The following ACACA variants were observed in gnomAD, a reference collection of about 807,000 sequenced individuals.
ACACA encodes acetyl-CoA carboxylase alpha.
ACACA carries 103 observed loss-of-function variants against 296.1 expected under a neutral mutation model. The ratio of observed to expected loss-of-function variants is 0.35; its 90% confidence interval spans 0.30 to 0.41. The LOEUF is 0.41. Ranked by LOEUF, ACACA falls within the 10% of genes least tolerant of loss-of-function variation. The pLI is 1.00. For missense variants in ACACA, 1,554 were observed against 2,989.7 expected (o/e 0.52, Z 11.20); for synonymous variants, 953 against 1,038.6 (o/e 0.92, Z 1.58).
At chr17:37,293,692 C>T (rs2083189203) in intron 3 of ACACA, among the ~76,000 whole-genome samples, 2 of 152,088 alleles carry the variant, frequency 1.3e-5, no homozygotes, top group Non-Finnish European at 2.9e-5. Flanking sequence ...CAGGCACACA[C>T]CACCATGCCC....
chr17:37,175,193 T>C (rs2144753671), intron 41 of ACACA, among the ~76,000 whole-genome samples: 1 of 152,336 alleles, frequency 6.6e-6, no homozygotes, highest in Non-Finnish European at 1.5e-5. Context: ...AATAAAAGAA[T>C]GCTAGTAACT....
chr17:37,125,471 G>A (rs1479396149), intron 48 of ACACA, among the ~76,000 whole-genome samples: 6 of 152,112 alleles, frequency 3.9e-5, no homozygotes, highest in Non-Finnish European at 7.3e-5. Context: ...AAAAGGAAGT[G>A]TTGTCAAAAT....
intron 51 of ACACA, 147 bp from the exon 52 acceptor site, chr17:37,111,790 G>C: frequency 1.4e-6 from 1 of 698,874 alleles, no homozygotes; most frequent in Non-Finnish European, 2.6e-6. Context: ...ATCTCCCCGG[G>C]GAGAACAGTA....
At chr17:37,310,498 T>G (rs1408974697) in intron 3 of ACACA, among the ~76,000 whole-genome samples, 1 of 151,934 alleles carries the variant, frequency 6.6e-6, no homozygotes, top group African/African-American at 2.4e-5. Context: ...ATGAATTTTA[T>G]ATATAGAAAA....
chr17:37,234,954 G>C, intron 25 of ACACA, 21 bp downstream of exon 25: 1 of 1,613,614 alleles, frequency 6.2e-7, no homozygotes, highest in Non-Finnish European at 8.5e-7. Flanking sequence ...GTCTTTACAA[G>C]TTCTGAAAAA....
At chr17:37,183,075 G>A (rs907516499) in intron 39 of ACACA, among the ~76,000 whole-genome samples, 2 of 152,202 alleles carry the variant, frequency 1.3e-5, no homozygotes, top group Non-Finnish European at 2.9e-5. Flanking sequence ...TACAGTATGA[G>A]AAAACTGTAC....
chr17:37,172,900 C>G lies in ACACA; in HGVS notation c.5079+6360G>C, dbSNP rs184836399. On this transcript the variant is annotated intron_variant, in intron 41 of 55. Coordinates refer to ENST00000616317, the MANE Select transcript of ACACA (RefSeq NM_198834.3). ...ATGGTCCTGTTTTACAGACCCGCTT[C>G]GCTTAGGTCTATTTCAGAACTCACC... 5.2e-3 allele frequency among the ~76,000 whole-genome samples: 799 copies of G among 152,278 alleles called. 8 individuals are homozygous for G. The highest frequency in any genetic ancestry group is 0.018 in the African/African-American group (750 of 41,558).
rs754490571 is a variant in ACACA, at chr17:37,097,973, G to C, written c.6577C>G (p.Leu2193Val). 11 of 1,614,082 alleles carry C rather than the reference G, an allele frequency of 6.8e-6. No individual in the cohort carries two copies. In the South Asian group the frequency reaches 1.2e-4, roughly 18 times the overall value. Residue 2193 changes from leucine (L) to valine (V), a missense_variant, in exon 53 of 56, where the codon CTA (leucine) becomes GTA (valine). By Grantham distance (32) the Leu-to-Val change is conservative. Coordinates refer to ENST00000616317, the MANE Select transcript of ACACA (RefSeq NM_198834.3). The surrounding 1 kb of genome is among the most constrained non-coding windows in gnomAD (Gnocchi z 4.8). ...AACTCCTTCCGCTCAGCTGTGCTTA[G>C]CTCTGGGGTCCCTGCAATTAGATAA... ...HLAERLGTPE[L>V]STAERKELEN...
At position 37,377,694 on chromosome 17, in the gene ACACA, TAAATAAATAAAA is replaced by T. The variant is rs1346508288; in HGVS notation, c.38+28556_38+28567del. 7.3e-5 allele frequency among the ~76,000 whole-genome samples: 11 copies of T among 150,802 alleles called. No homozygotes were observed. In the East Asian group the frequency reaches 2.1e-3, roughly 29 times the overall value. ...ATAAATAAATAAATAAATAAATAAA[TAAATAAATAAAA>T]GTAAAGTCTTTTTAGAGAGTGTTTG... is the stretch of plus-strand genomic sequence containing the variant. On this transcript the variant is annotated intron_variant, in intron 1 of 55. Coordinates refer to ENST00000616317, the MANE Select transcript of ACACA (RefSeq NM_198834.3).
chr17:37,313,073 A>C (rs1370415436), intron 3 of ACACA, among the ~76,000 whole-genome samples: 1 of 152,074 alleles, frequency 6.6e-6, no homozygotes, highest in African/African-American at 2.4e-5. Context: ...CTATCATTAG[A>C]TTTTACTAGG....
At chr17:37,290,784 T>C (rs1304879069) in intron 3 of ACACA, among the ~76,000 whole-genome samples, 1 of 152,058 alleles carries the variant, frequency 6.6e-6, no homozygotes, top group Non-Finnish European at 1.5e-5. Flanking sequence ...TTGGGCCACG[T>C]ATAAAATACG....
chr17:37,314,865 T>G (rs1403038269), intron 3 of ACACA, among the ~76,000 whole-genome samples: 1 of 150,850 alleles, frequency 6.6e-6, no homozygotes, highest in African/African-American at 2.4e-5. Context: ...GTTCTCAAAC[T>G]CCTGACCTCA....
chr17:37,394,078 T>C (rs2050991100), intron 1 of ACACA, among the ~76,000 whole-genome samples: 1 of 152,174 alleles, frequency 6.6e-6, no homozygotes, highest in South Asian at 2.1e-4. Context: ...GGGATGTGGA[T>C]CTGCAGATCA....
intron 1 of ACACA, among the ~76,000 whole-genome samples, chr17:37,346,643 A>G (rs1241982578): frequency 6.7e-6 from 1 of 148,402 alleles, no homozygotes; most frequent in Non-Finnish European, 1.5e-5. Flanking sequence ...TGGAGCTTGC[A>G]GTGAGCCGAG....
At chr17:37,111,026 G>A (rs1345351950) in intron 52 of ACACA, among the ~76,000 whole-genome samples, 1 of 152,080 alleles carries the variant, frequency 6.6e-6, no homozygotes, top group African/African-American at 2.4e-5. Context: ...CCTGCTCTCA[G>A]GGCTATTCTG....
intron 1 of ACACA, among the ~76,000 whole-genome samples, chr17:37,390,304 T>TTATA (rs1189193698): frequency 0.019 from 347 of 17,966 alleles, 14 homozygotes; most frequent in Admixed American, 0.025. Context: ...TTATACATAA[T>TTATA]TATATATATA....
intron 3 of ACACA, among the ~76,000 whole-genome samples, chr17:37,317,513 A>G (rs904742144): frequency 6.6e-6 from 1 of 151,572 alleles, no homozygotes; most frequent in African/African-American, 2.4e-5. Context: ...CAGTGAGCCA[A>G]GATCATGCCA....
intron 10 of ACACA, among the ~76,000 whole-genome samples, chr17:37,270,326 G>C (rs1598367117): frequency 6.6e-6 from 1 of 152,282 alleles, no homozygotes; most frequent in Non-Finnish European, 1.5e-5. Flanking sequence ...GAGAGCCTGG[G>C]CCTGGCCAAG....
chr17:37,122,786 C>T (rs892913942), intron 48 of ACACA, 159 bp from the exon 49 acceptor site: 43 of 713,366 alleles, frequency 6.0e-5, no homozygotes, highest in South Asian at 5.1e-4. Context: ...TGAGACTCTA[C>T]GGATTTGATA....
Sources: gnomAD v4.1 joint callset for allele counts (sites outside exome capture counted in the v4.1 genomes callset) on GRCh38, gnomAD v4.1.1 for gene constraint, Gnocchi (gnomAD v3.1) non-coding constraint, MANE v1.5 for transcripts, NCBI Gene and HGNC (gene_info 2026-07-23, HGNC 2026-07-21) for gene names.